ZDBF2: variants seen among roughly 807,000 people sequenced by gnomAD.
ZDBF2 encodes zinc finger DBF-type containing 2, also known as DBF4-type zinc finger-containing protein 2.
In ZDBF2, 6 loss-of-function variants were observed where a neutral mutation model predicts 9.4. That is an observed-to-expected ratio of 0.64 (90% CI 0.35 to 1.27). The LOEUF is 1.27. ZDBF2 is among the 50% of genes most tolerant of loss of function. The probability of loss-of-function intolerance (pLI) is 0.03; values close to 1 mark genes in which losing one functional copy is unlikely to be tolerated. For synonymous variants in ZDBF2, 905 were observed against 946.3 expected, an observed-to-expected ratio of 0.96 and a Z score of 0.80; for missense variants, 2,697 against 2,766.8, an observed-to-expected ratio of 0.97 and a Z score of 0.57.
intron 3 of ZDBF2, among the ~76,000 whole-genome samples, chr2:206,294,862 A>G (rs759681166): frequency 3.3e-5 from 5 of 152,184 alleles, no homozygotes; most frequent in African/African-American, 4.8e-5. Flanking sequence ...CATGATGTAT[A>G]TGTACCACAT....
chr2:206,308,257 T>G lies in ZDBF2; in HGVS notation c.3729T>G (p.Ile1243Met). ...DRRNEAKGFE[I>M]MYDSDVLQPV... ...GAAATGAAGCTAAGGGTTTTGAAAT[T>G]ATGTATGATTCTGATGTTCTTCAGC... is the stretch of plus-strand genomic sequence containing the variant. Residue 1243 changes from isoleucine (I) to methionine (M), a missense_variant, in exon 5 of 5, where the codon ATT (isoleucine) becomes ATG (methionine). Around this residue, in one of 3 missense-constraint regions of ZDBF2, gnomAD observed 1,783 missense variants for 1,776.5 expected, o/e 1.00. Transcript: ENST00000374423. 1 of 1,613,860 alleles carries G rather than the reference T, an allele frequency of 6.2e-7. No homozygotes were observed. Among genetic ancestry groups the G allele is most frequent in the Non-Finnish European group, 8.5e-7 (1 of 1,179,832 alleles).
At position 206,274,862 on chromosome 2, in the gene ZDBF2, G is replaced by A. The variant is rs1360983571; in HGVS notation, c.-187G>A. On this transcript the variant is annotated 5_prime_UTR_variant, in exon 1 of 5. Coordinates refer to ENST00000374423, the MANE Select transcript of ZDBF2 (RefSeq NM_020923.3). ...CGGTCTGGGATTCGGGCGCCGCCGC[G>A]GAACCGGAATAAGAAGGGAGAGCGC... The A allele has an allele frequency of 6.6e-6, 1 of 152,018 alleles. No homozygotes were observed. The allele number at this position is 152,018 out of a possible 1,614,324, so 9.4% of individuals were successfully genotyped here. A position where few individuals can be genotyped will look rare whatever the true frequency, so the allele number is the denominator to read the frequency against.
chr2:206,278,135 A>G (rs1051277255), intron 1 of ZDBF2, among the ~76,000 whole-genome samples: 22 of 152,144 alleles, frequency 1.4e-4, no homozygotes, highest in Non-Finnish European at 2.1e-4. Flanking sequence ...GACGAATACG[A>G]TACATGTTAA....
At position 206,306,279 on chromosome 2, in the gene ZDBF2, A is replaced by G; in HGVS notation, c.1751A>G (p.Asp584Gly). The G allele has an allele frequency of 6.2e-7, 1 of 1,613,644 alleles. No homozygotes were observed. Among genetic ancestry groups the G allele is most frequent in the South Asian group, 1.1e-5 (1 of 91,078 alleles). ...TCGAGTTGTTCTGAAACAAGTTTTG[A>G]TTGTGATGTTTCTCTTGAGTCAGTA... ...YGSSCSETSF[D>G]CDVSLESVVD... The change falls in exon 5 of 5, where the codon GAT becomes GGT. Residue 584 changes from aspartate to glycine, a missense_variant. This residue lies in a region of ZDBF2 where 910 missense variants were observed against 973.6 expected (regional missense o/e 0.93). Transcript: ENST00000374423.
intron 3 of ZDBF2, among the ~76,000 whole-genome samples, chr2:206,287,342 T>A (rs945540431): frequency 6.6e-6 from 1 of 152,254 alleles, no homozygotes; most frequent in Admixed American, 6.5e-5. Flanking sequence ...ATAGCTTTGC[T>A]GGGTATAGTA....
chr2:206,287,255 G>T (rs1195257062), intron 3 of ZDBF2, among the ~76,000 whole-genome samples: 1 of 152,170 alleles, frequency 6.6e-6, no homozygotes, highest in African/African-American at 2.4e-5. Context: ...TTTCTTGTGA[G>T]CCTGGCCTAG....
chr2:206,284,677 A>G (rs903656841), intron 3 of ZDBF2, among the ~76,000 whole-genome samples: 6 of 152,026 alleles, frequency 3.9e-5, no homozygotes, highest in African/African-American at 1.4e-4. Context: ...TGATGACAAG[A>G]TTTTCTTCTT....
intron 3 of ZDBF2, among the ~76,000 whole-genome samples, chr2:206,293,776 T>C (rs996845117): frequency 5.3e-5 from 8 of 152,202 alleles, no homozygotes; most frequent in African/African-American, 1.9e-4. Flanking sequence ...GATAAGGAGA[T>C]AGGAATACTG....
At chr2:206,296,338 C>T (rs564242420) in intron 3 of ZDBF2, among the ~76,000 whole-genome samples, 357 of 152,352 alleles carry the variant, frequency 2.3e-3, no homozygotes, top group Non-Finnish European at 4.0e-3. Flanking sequence ...CGTATTCCTG[C>T]TGTCTGCCCA....
At chr2:206,275,144 C>T (rs531657853) in intron 1 of ZDBF2, among the ~76,000 whole-genome samples, 198 bp downstream of exon 1, 4 of 152,220 alleles carry the variant, frequency 2.6e-5, no homozygotes, top group African/African-American at 9.6e-5. Context: ...GTCGGCGGCT[C>T]CGGGCCGGGA....
At chr2:206,292,597 A>G (rs956738671) in intron 3 of ZDBF2, among the ~76,000 whole-genome samples, 4 of 152,172 alleles carry the variant, frequency 2.6e-5, no homozygotes, top group Admixed American at 2.6e-4. Flanking sequence ...TAAAACTATT[A>G]TTTATACACA....
chr2:206,295,023 G>C (rs141213034), intron 3 of ZDBF2, among the ~76,000 whole-genome samples: 358 of 152,232 alleles, frequency 2.4e-3, no homozygotes, highest in Non-Finnish European at 4.1e-3. Flanking sequence ...TCATAATTTA[G>C]ATTGTTCCTG....
rs370841894 is a variant in ZDBF2 at position 206,307,483 on chromosome 2, C to T, written c.2955C>T (p.His985=). The change falls in exon 5 of 5, where the codon CAC becomes CAT. Residue 985 remains histidine (H), a synonymous_variant. Coordinates refer to ENST00000374423, the MANE Select transcript of ZDBF2 (RefSeq NM_020923.3). ...AAACATGGCTTCAAAGAGAAAAGCA[C>T]GCTGAATTCCAAGGTAGAAGTACTG... ...VKETWLQREK[H]AEFQGRSTEF... The T allele has an allele frequency of 1.7e-4, 280 of 1,613,094 alleles. No individual in the cohort carries two copies. The African/African-American group carries it at 2.2e-3, about 12-fold the overall frequency.
chr2:206,310,471 C>G lies in ZDBF2; in HGVS notation c.5943C>G (p.Thr1981=). Residue 1981 remains threonine (T), a synonymous_variant, in exon 5 of 5, where the codon ACC becomes ACG. Transcript: ENST00000374423. ...CACGTTTACAGGATGACAGAAAAAC[C>G]AAAAAGAAAGTCAAAATTGGGACAG... ...KCSRLQDDRK[T]KKKVKIGTVE... 1 of 1,613,326 alleles carries G rather than the reference C, an allele frequency of 6.2e-7. No individual in the cohort carries two copies.
At position 206,313,428 on chromosome 2, in the gene ZDBF2, A is replaced by G. The variant is rs1259596956; in HGVS notation, c.*1835A>G. The G allele has an allele frequency of 6.6e-6, 1 of 152,228 alleles. No homozygotes were observed. Among genetic ancestry groups the G allele is most frequent in the Non-Finnish European group, 1.5e-5 (1 of 68,028 alleles). The allele number at this position is 152,228 out of a possible 1,614,324, so 9.4% of individuals were successfully genotyped here. On this transcript the variant is annotated 3_prime_UTR_variant, in exon 5 of 5. Coordinates refer to ENST00000374423, the MANE Select transcript of ZDBF2 (RefSeq NM_020923.3). Reference sequence around the variant, plus strand: ...TCATTTCTTAAAAGATCACTGGGCCAGTAGTTCAAAATAATCCTCCAATTT... The same window carrying G: ...TCATTTCTTAAAAGATCACTGGGCCGGTAGTTCAAAATAATCCTCCAATTT...
rs1446661672 is a variant in ZDBF2 at position 206,306,614 on chromosome 2, A to C, written c.2086A>C (p.Asn696His). ...TCAGAAAGTGGATGTTGACCTTGAG[A>C]ATAAGAGTGTTCAGTCTAGCCGTTC... ...ERQKVDVDLE[N>H]KSVQSSRSSL... Residue 696 changes from asparagine to histidine, a missense_variant, in exon 5 of 5, where the codon AAT (asparagine) becomes CAT (histidine). Around this residue, in one of 3 missense-constraint regions of ZDBF2, gnomAD observed 910 missense variants for 973.6 expected, o/e 0.93. Coordinates refer to ENST00000374423, the MANE Select transcript of ZDBF2 (RefSeq NM_020923.3). 6 of 1,613,712 alleles carry C rather than the reference A, an allele frequency of 3.7e-6. No individual in the cohort carries two copies. The Admixed American group carries it at 1.0e-4, about 27-fold the overall frequency.
In ZDBF2 at chr2:206,308,192, A is replaced by G. The variant is rs753428696; in HGVS notation, c.3664A>G (p.Ser1222Gly). The G allele has an allele frequency of 2.3e-5, 37 of 1,613,728 alleles. No individual in the cohort carries two copies. The Admixed American group carries it at 6.2e-4, about 27-fold the overall frequency. The part of the protein sequence containing the change: ...DRLRETVKEI[S>G]LWKDEEVDTE... ...GCTGAGAGAAACCGTTAAAGAAATA[A>G]GCCTTTGGAAGGATGAAGAAGTTGA... is the stretch of plus-strand genomic sequence containing the variant. Residue 1222 changes from serine (S) to glycine (G), a missense_variant, in exon 5 of 5, where the codon AGC (serine) becomes GGC (glycine). Transcript: ENST00000374423.
At chr2:206,276,624 A>G (rs765049111) in intron 1 of ZDBF2, among the ~76,000 whole-genome samples, 15 of 152,226 alleles carry the variant, frequency 9.9e-5, no homozygotes, top group Non-Finnish European at 2.2e-4. Context: ...CAAATTGACC[A>G]GTGATCACAT....
rs765643700 is a variant in ZDBF2 at position 206,305,989 on chromosome 2, T to C, written c.1461T>C (p.Tyr487=). 1.3e-5 allele frequency: 21 copies of C among 1,613,324 alleles called. No individual in the cohort carries two copies. The highest frequency in any genetic ancestry group is 1.8e-5 in the Non-Finnish European group (21 of 1,179,536). Residue 487 remains tyrosine (Y), a synonymous_variant, in exon 5 of 5, where the codon TAT becomes TAC. Transcript: ENST00000374423. ...ATATTAGCCTGGTTGACCAAAGCTATGAATCTAGTAGTTCTGAAACGAATT... is the reference window on the plus strand; with the variant it reads ...ATATTAGCCTGGTTGACCAAAGCTACGAATCTAGTAGTTCTGAAACGAATT... The part of the protein sequence containing the change: ...ARHISLVDQS[Y]ESSSSETNFD...
Sources: gnomAD v4.1 joint callset for allele counts (sites outside exome capture counted in the v4.1 genomes callset) on GRCh38, gnomAD v4.1.1 for gene constraint, gnomAD v4.1.1 regional missense constraint, MANE v1.5 for transcripts, NCBI Gene and HGNC (gene_info 2026-07-23, HGNC 2026-07-21) for gene names.